The following PCDH15 variants were observed in gnomAD, a reference collection of about 807,000 sequenced individuals.
PCDH15 encodes protocadherin related 15, also known as protocadherin-15.
Under a neutral mutation model 178.5 loss-of-function variants are expected in PCDH15, and 129 were observed. That is an observed-to-expected ratio of 0.72 (90% confidence interval 0.63 to 0.84). PCDH15 has a LOEUF of 0.84. PCDH15 is among the 40% of genes least tolerant of loss of function. The pLI, the probability that PCDH15 is intolerant of heterozygous loss-of-function variation, is 0.00. For missense variants in PCDH15, 2,230 were observed against 2,099.9 expected (o/e 1.06, Z -1.21); for synonymous variants, 800 against 732.0 (o/e 1.09, Z -1.50).
intron 2 of PCDH15, among the ~76,000 whole-genome samples, chr10:55,445,563 C>T (rs1839297544): frequency 1.3e-5 from 2 of 152,080 alleles, no homozygotes; most frequent in Non-Finnish European, 2.9e-5. Context: ...TGCTACAAAC[C>T]ATCTGAAATC....
intron 2 of PCDH15, among the ~76,000 whole-genome samples, chr10:55,138,226 T>C (rs1838256312): frequency 6.6e-6 from 1 of 152,134 alleles, no homozygotes. Flanking sequence ...CAATGCAATA[T>C]TTAGTAAATA....
intron 25 of PCDH15, chr10:53,905,263 G>A (rs1414606661): frequency 1.9e-6 from 1 of 516,146 alleles, no homozygotes; most frequent in African/African-American, 1.9e-5. Flanking sequence ...ATATAACAAA[G>A]ACATCACAAA....
intron 2 of PCDH15, among the ~76,000 whole-genome samples, chr10:55,006,472 G>C (rs1471074251): frequency 1.3e-5 from 2 of 152,156 alleles, no homozygotes; most frequent in South Asian, 2.1e-4. Flanking sequence ...GGAAATGCAA[G>C]GTATACTTAC....
intron 3 of PCDH15, among the ~76,000 whole-genome samples, chr10:54,519,814 G>A (rs7905109): frequency 0.6 from 90,528 of 151,904 alleles, 27,553 homozygotes; most frequent in East Asian, 0.97. Flanking sequence ...TTCAAACTAT[G>A]CTGCAAGGCT....
intron 3 of PCDH15, among the ~76,000 whole-genome samples, chr10:54,449,376 C>G (rs544303386): frequency 3.3e-5 from 5 of 151,774 alleles, no homozygotes; most frequent in Admixed American, 6.6e-5. Flanking sequence ...AAACAACACA[C>G]ACACTGAGAG....
intron 2 of PCDH15, among the ~76,000 whole-genome samples, chr10:55,111,135 T>C (rs149283303): frequency 5.3e-5 from 8 of 152,168 alleles, no homozygotes; most frequent in Non-Finnish European, 1.0e-4. Context: ...CATGAAGCAG[T>C]AGAATAAGAA....
At chr10:55,447,054 G>C (rs997712427) in intron 2 of PCDH15, among the ~76,000 whole-genome samples, 2 of 151,900 alleles carry the variant, frequency 1.3e-5, no homozygotes, top group African/African-American at 4.8e-5. Flanking sequence ...ATGTAATGTT[G>C]CAAGTTCAAA....
chr10:54,609,165 T>C (rs1175286190), intron 2 of PCDH15, among the ~76,000 whole-genome samples: 2 of 152,084 alleles, frequency 1.3e-5, no homozygotes, highest in Admixed American at 1.3e-4. Context: ...AGCACTACTG[T>C]TTTTGCTCAT....
At position 54,886,002 on chromosome 10, in the gene PCDH15, ATCTC is replaced by A. The variant is rs1435346900; in HGVS notation, c.-29+11444_-29+11447del. On this transcript the variant is annotated intron_variant, in intron 3 of 5. Transcript: ENST00000458638. ...ACAAAATAACAAATAGACATACACA[ATCTC>A]TCTCACTGTTTTTCTCTCTCTCTCT... Among the ~76,000 whole-genome samples, 3 of 152,074 alleles carry A rather than the reference ATCTC, an allele frequency of 2.0e-5. No individual in the cohort carries two copies. The East Asian group carries it at 5.8e-4, about 29-fold the overall frequency.
intron 2 of PCDH15, among the ~76,000 whole-genome samples, chr10:54,921,158 G>T (rs1264547151): frequency 6.6e-6 from 1 of 152,046 alleles, no homozygotes; most frequent in East Asian, 1.9e-4. Context: ...TTAAATTCTT[G>T]CATCTTACCA....
intron 7 of PCDH15, 103 bp downstream of exon 7, chr10:54,329,493 G>T (rs1938947108): frequency 1.2e-6 from 1 of 824,194 alleles, no homozygotes; most frequent in Non-Finnish European, 2.1e-6. Context: ...CCCTGATGAA[G>T]AAGTGAGTGG....
intron 29 of PCDH15, among the ~76,000 whole-genome samples, chr10:53,835,409 T>C (rs544138065): frequency 6.6e-6 from 1 of 152,336 alleles, no homozygotes; most frequent in South Asian, 2.1e-4. Flanking sequence ...GTGTTCTGTT[T>C]TGTGTAGAAT....
chr10:54,408,242 G>C (rs1952969170), intron 3 of PCDH15, among the ~76,000 whole-genome samples: 1 of 151,176 alleles, frequency 6.6e-6, no homozygotes, highest in East Asian at 1.9e-4. Context: ...ATGATGTTTT[G>C]AAGGTGACAA....
At chr10:54,472,750 T>A (rs890066884) in intron 3 of PCDH15, among the ~76,000 whole-genome samples, 1 of 152,084 alleles carries the variant, frequency 6.6e-6, no homozygotes, top group Non-Finnish European at 1.5e-5. Flanking sequence ...AAATAATAAC[T>A]GACCACAGTT....
At chr10:55,062,249 T>G (rs988474785) in intron 2 of PCDH15, among the ~76,000 whole-genome samples, 14 of 152,140 alleles carry the variant, frequency 9.2e-5, no homozygotes, top group South Asian at 2.1e-4. Context: ...CTTTTGTCCT[T>G]TCCACCATAT....
At chr10:53,911,951 C>G (rs1227800138) in intron 25 of PCDH15, among the ~76,000 whole-genome samples, 1 of 152,124 alleles carries the variant, frequency 6.6e-6, no homozygotes, top group Non-Finnish European at 1.5e-5. Flanking sequence ...TTTTATGGGG[C>G]CAGCATCATC....
intron 13 of PCDH15, among the ~76,000 whole-genome samples, chr10:54,174,528 A>C (rs1371094612): frequency 6.6e-6 from 1 of 151,920 alleles, no homozygotes. Context: ...GAGCAAAAAA[A>C]AGAAAAAAAG....
At chr10:55,454,716 C>G (rs1310202787) in intron 2 of PCDH15, among the ~76,000 whole-genome samples, 1 of 145,190 alleles carries the variant, frequency 6.9e-6, no homozygotes, top group South Asian at 2.2e-4. Flanking sequence ...ACCCAGGAGG[C>G]GGAGCTTGCA....
intron 5 of PCDH15, among the ~76,000 whole-genome samples, chr10:54,367,813 G>A (rs11004257): frequency 0.15 from 21,981 of 151,034 alleles, 1,820 homozygotes; most frequent in Middle Eastern, 0.22. Flanking sequence ...ATATATATGT[G>A]TATATATGTG....
Sources: allele counts gnomAD v4.1 joint callset (sites outside exome capture counted in the v4.1 genomes callset), GRCh38; gene constraint gnomAD v4.1.1; transcripts MANE v1.5; gene names NCBI Gene and HGNC (gene_info 2026-07-23, HGNC 2026-07-21).